The following ANO3 variants were observed in gnomAD, a reference collection of about 807,000 sequenced individuals.
ANO3 encodes anoctamin-3.
ANO3 carries 99 observed loss-of-function variants against 144.8 expected under a neutral mutation model. The ratio of observed to expected loss-of-function variants is 0.68; its 90% CI spans 0.58 to 0.81. The LOEUF (loss-of-function observed/expected upper bound fraction) is 0.81. ANO3 is among the 30% of genes least tolerant of loss of function. The pLI is 0.00. For missense variants in ANO3, 905 were observed against 1,202.2 expected (o/e 0.75, Z 3.66); for synonymous variants, 414 against 392.6 (o/e 1.05, Z -0.64).
At chr11:26,475,741 TATTAA>T (rs1859943926) in intron 4 of ANO3, among the ~76,000 whole-genome samples, 1 of 152,050 alleles carries the variant, frequency 6.6e-6, no homozygotes, top group Admixed American at 6.6e-5. Context: ...TATCACTAAT[TATTAA>T]ATTAAAATAT....
intron 1 of ANO3, among the ~76,000 whole-genome samples, chr11:26,224,326 G>A (rs1158853796): frequency 6.6e-6 from 1 of 152,238 alleles, no homozygotes; most frequent in African/African-American, 2.4e-5. Flanking sequence ...GTCTTCCAGT[G>A]TGTCTGTCTG....
intron 6 of ANO3, among the ~76,000 whole-genome samples, chr11:26,520,251 G>C (rs752914601): frequency 1.9e-4 from 29 of 152,092 alleles, no homozygotes; most frequent in Non-Finnish European, 3.4e-4. Context: ...TGTCCCAAGG[G>C]AGATTTTGAA....
Position 26,656,359 on chromosome 11 carries a change from GT to G in ANO3, c.2658-12del. 1.3e-6 allele frequency: 2 copies of G among 1,560,662 alleles called. No individual in the cohort carries two copies. The highest frequency in any genetic ancestry group is 1.8e-6 in the Non-Finnish European group (2 of 1,133,778). Reference sequence around the variant, plus strand: ...TTGATCTCTATTTGTCATTCTCTTTGTTTTTGTGGATTTCAGGTACAGAGAC... The same window carrying G: ...TTGATCTCTATTTGTCATTCTCTTTGTTTTGTGGATTTCAGGTACAGAGAC... On this transcript the variant is annotated splice_polypyrimidine_tract_variant and intron_variant, in intron 25 of 26. Transcript: ENST00000256737.
chr11:26,341,668 A>G (rs1855362845), intron 1 of ANO3, among the ~76,000 whole-genome samples: 1 of 152,222 alleles, frequency 6.6e-6, no homozygotes, highest in Admixed American at 6.5e-5. Flanking sequence ...GTAAAGTCCC[A>G]TGATAGGCCG....
chr11:26,641,072 C>T (rs1853133983), intron 21 of ANO3, among the ~76,000 whole-genome samples: 1 of 152,124 alleles, frequency 6.6e-6, no homozygotes, highest in South Asian at 2.1e-4. Flanking sequence ...GTAATTTTCA[C>T]TGACCTCTTA....
intron 1 of ANO3, among the ~76,000 whole-genome samples, chr11:26,426,862 C>T (rs757563349): frequency 1.3e-5 from 2 of 152,172 alleles, no homozygotes; most frequent in African/African-American, 4.8e-5. Context: ...TAAAAACTGT[C>T]AAACACTTTA....
At chr11:26,256,079 TAGGA>T (rs1382028137) in intron 1 of ANO3, among the ~76,000 whole-genome samples, 1 of 152,152 alleles carries the variant, frequency 6.6e-6, no homozygotes, top group Non-Finnish European at 1.5e-5. Flanking sequence ...GGGGTCAGCA[TAGGA>T]AGGATCTGTT....
At chr11:26,398,959 G>C (rs1057216634) in intron 1 of ANO3, among the ~76,000 whole-genome samples, 4 of 151,982 alleles carry the variant, frequency 2.6e-5, no homozygotes, top group Non-Finnish European at 5.9e-5. Context: ...AATTTGGGCA[G>C]GTGATGGGGT....
intron 3 of ANO3, among the ~76,000 whole-genome samples, chr11:26,461,959 C>G (rs1241031925): frequency 6.6e-6 from 1 of 152,020 alleles, no homozygotes; most frequent in African/African-American, 2.4e-5. Flanking sequence ...AAGCTTAGAG[C>G]TTCTTAACAT....
intron 1 of ANO3, among the ~76,000 whole-genome samples, chr11:26,284,544 T>C (rs988148005): frequency 2.0e-5 from 3 of 152,038 alleles, no homozygotes; most frequent in Admixed American, 6.6e-5. Flanking sequence ...TTCCCGCGGG[T>C]CTCTCAATTC....
Position 26,247,161 on chromosome 11 carries a change from A to G in ANO3, c.154+57831A>G, listed in dbSNP as rs762606024. On this transcript the variant is annotated intron_variant, in intron 1 of 27. Transcript: ENST00000672621. ...GACTCCATTGAAAATGTCTTTCCTC[A>G]CACTGAGATTAAAAGACCAATTATA... Among the ~76,000 whole-genome samples, 168 of 152,314 alleles carry G rather than the reference A, an allele frequency of 1.1e-3. 1 individual carries two copies. The highest frequency in any genetic ancestry group is 2.2e-3 in the Non-Finnish European group (148 of 68,036).
At chr11:26,264,974 T>C (rs1853276093) in intron 1 of ANO3, among the ~76,000 whole-genome samples, 1 of 151,986 alleles carries the variant, frequency 6.6e-6, no homozygotes, top group Non-Finnish European at 1.5e-5. Context: ...CTTTTGGAGG[T>C]AATATATATT....
At chr11:26,590,954 C>A (rs537980211) in intron 14 of ANO3, among the ~76,000 whole-genome samples, 76 of 152,280 alleles carry the variant, frequency 5.0e-4, no homozygotes, top group Admixed American at 4.2e-3. Flanking sequence ...TGCCCACTCC[C>A]GTCTCGAATG....
chr11:26,567,756 G>A (rs61877027), intron 14 of ANO3, among the ~76,000 whole-genome samples: 5,089 of 152,016 alleles, frequency 0.033, 126 homozygotes, highest in Non-Finnish European at 0.054. Flanking sequence ...TTATTTATAA[G>A]AGCCTCAAAC....
At chr11:26,578,616 G>A (rs1264042492) in intron 14 of ANO3, among the ~76,000 whole-genome samples, 1 of 152,156 alleles carries the variant, frequency 6.6e-6, no homozygotes, top group East Asian at 1.9e-4. Context: ...GGATGATCTG[G>A]AAATTGTGGG....
Position 26,463,138 on chromosome 11 carries a change from A to C in ANO3, c.422A>C (p.Lys141Thr), listed in dbSNP as rs1363471029. 7 of 1,540,716 alleles carry C rather than the reference A, an allele frequency of 4.5e-6. No individual in the cohort carries two copies. Among genetic ancestry groups the C allele is most frequent in the Admixed American group, 1.8e-5 (1 of 55,412 alleles). The change falls in exon 4 of 27, where the codon AAA becomes ACA. Residue 141 changes from lysine (K) to threonine (T), a missense_variant. Coordinates refer to ENST00000256737, the MANE Select transcript of ANO3 (RefSeq NM_031418.4). ...VIKDKSEFKT[K>T]LSKNDMNYIA... is the part of the protein sequence containing the mutation. ...AAAGATAAATCTGAATTCAAGACAA[A>C]ATTATCTAAGGTAATGAGAACTAAA...
chr11:26,603,084 C>A (rs1851844285), intron 17 of ANO3, among the ~76,000 whole-genome samples: 1 of 152,106 alleles, frequency 6.6e-6, no homozygotes, highest in Admixed American at 6.6e-5. Context: ...AAGATAATTA[C>A]CTGTTGTGCA....
intron 4 of ANO3, among the ~76,000 whole-genome samples, chr11:26,503,110 T>C (rs1250513208): frequency 6.6e-6 from 1 of 152,148 alleles, no homozygotes; most frequent in Non-Finnish European, 1.5e-5. Context: ...ATGATTTAGT[T>C]ATTTTCAAAC....
chr11:26,304,659 T>TA (rs1228436084), upstream of ANO3, among the ~76,000 whole-genome samples: 4 of 152,176 alleles, frequency 2.6e-5, no homozygotes, highest in Non-Finnish European at 5.9e-5. Context: ...TATCAGTACA[T>TA]ATAGAACCAC....
Sources: gnomAD v4.1 joint callset for allele counts (sites outside exome capture counted in the v4.1 genomes callset) on GRCh38, gnomAD v4.1.1 for gene constraint, MANE v1.5 for transcripts, NCBI Gene and HGNC (gene_info 2026-07-23, HGNC 2026-07-21) for gene names.